PCDHA3: variants seen among roughly 807,000 people sequenced by gnomAD.
PCDHA3 encodes protocadherin alpha-3.
Under a neutral mutation model 62.2 loss-of-function variants are expected in PCDHA3, and 41 were observed. That is an observed-to-expected ratio of 0.66 (90% CI 0.51 to 0.86). The LOEUF is 0.86. PCDHA3 is among the 40% of genes least tolerant of loss of function. The pLI is 0.00. For missense variants in PCDHA3, 1,304 were observed against 1,241.2 expected, an observed-to-expected ratio of 1.05 and a Z score of -0.76; for synonymous variants, 640 against 555.4, an observed-to-expected ratio of 1.15 and a Z score of -2.14.
In PCDHA3 at chr5:140,858,410, T is replaced by C; in HGVS notation, c.2394+54819T>C. ...GGTAGATGTGGACGGGGAAGATCAG[T>C]CTATTGGAGGGGACCACTCTAGGAA... On this transcript the variant is annotated intron_variant, in intron 1 of 3. Transcript: ENST00000522353. 7.7e-6 allele frequency: 12 copies of C among 1,565,560 alleles called. 2 individuals are homozygous for C. The highest frequency in any genetic ancestry group is 1.0e-5 in the Non-Finnish European group (12 of 1,147,708).
At chr5:140,813,459 G>C (rs1173620168) in intron 1 of PCDHA3, 4 of 152,178 alleles carry the variant, frequency 2.6e-5, no homozygotes, top group Non-Finnish European at 4.4e-5. Flanking sequence ...ACAATGGTAA[G>C]TATTTGTATA....
chr5:140,828,172 G>T, intron 1 of PCDHA3: 4 of 1,614,172 alleles, frequency 2.5e-6, no homozygotes, highest in South Asian at 2.2e-5. Context: ...GGAAGGTGGG[G>T]AGCGGCCAGC....
chr5:140,892,910 C>T (rs1206176408), intron 1 of PCDHA3, among the ~76,000 whole-genome samples: 1 of 152,164 alleles, frequency 6.6e-6, no homozygotes, highest in Non-Finnish European at 1.5e-5. Context: ...TCCTCCTTTT[C>T]CTTCACCCTT....
chr5:141,005,417 T>G (rs1323051159), intron 3 of PCDHA3, among the ~76,000 whole-genome samples: 2 of 152,062 alleles, frequency 1.3e-5, no homozygotes, highest in African/African-American at 4.8e-5. Context: ...TGAGGAGTCA[T>G]GCTAAGAATG....
Position 140,801,697 on chromosome 5 carries a change from T to C in PCDHA3, c.500T>C (p.Leu167Ser). 2 of 1,614,170 alleles carry C rather than the reference T, an allele frequency of 1.2e-6. No individual in the cohort carries two copies. The highest frequency in any genetic ancestry group is 1.7e-6 in the Non-Finnish European group (2 of 1,180,038). The stretch of plus-strand genomic sequence containing the variant: ...GATGCAGATATCGGAACAAATTCGT[T>C]GTTGACTTACAGTCTTGATTCCACT... ...ASDADIGTNS[L>S]LTYSLDSTEY... The change falls in exon 1 of 4, where the codon TTG becomes TCG. Residue 167 changes from leucine to serine, a missense_variant. Coordinates refer to ENST00000522353, the MANE Select transcript of PCDHA3 (RefSeq NM_018906.3).
chr5:140,808,625 T>C (rs115173372), intron 1 of PCDHA3: 12 of 1,613,538 alleles, frequency 7.4e-6, no homozygotes, highest in East Asian at 2.2e-5. Flanking sequence ...TGTGTCTGCG[T>C]GGGACGCGGA....
At chr5:140,918,263 G>A (rs2078602453) in intron 1 of PCDHA3, among the ~76,000 whole-genome samples, 1 of 152,214 alleles carries the variant, frequency 6.6e-6, no homozygotes, top group East Asian at 1.9e-4. Context: ...TTTGCTGGAG[G>A]TTTTATCAGA....
At chr5:140,968,231 T>A in intron 1 of PCDHA3, 1 of 1,614,032 alleles carries the variant, frequency 6.2e-7, no homozygotes. Context: ...TGTGTTGCTC[T>A]GTACTGTGCA....
At chr5:140,827,146 C>T (rs1245117168) in intron 1 of PCDHA3, among the ~76,000 whole-genome samples, 1 of 152,036 alleles carries the variant, frequency 6.6e-6, no homozygotes, top group Non-Finnish European at 1.5e-5. Flanking sequence ...AGAAGGGATG[C>T]AGATATGGAT....
chr5:140,910,200 A>C (rs1471024317), intron 1 of PCDHA3, among the ~76,000 whole-genome samples: 1 of 152,200 alleles, frequency 6.6e-6, no homozygotes, highest in East Asian at 1.9e-4. Flanking sequence ...TCTTTTGTCC[A>C]CTTGACCTGG....
chr5:140,940,450 A>G (rs1279490375), intron 1 of PCDHA3, among the ~76,000 whole-genome samples: 1 of 151,884 alleles, frequency 6.6e-6, no homozygotes, highest in Non-Finnish European at 1.5e-5. Flanking sequence ...GATATTTTTT[A>G]TAGGTTTCTG....
At chr5:140,823,307 C>G in intron 1 of PCDHA3, 1 of 1,612,266 alleles carries the variant, frequency 6.2e-7, no homozygotes, top group Non-Finnish European at 8.5e-7. Context: ...TCGGTGCACG[C>G]GGAGAGCGGC....
Position 140,926,391 on chromosome 5 carries a change from A to T in PCDHA3, c.2395-52558A>T, listed in dbSNP as rs76822698. On this transcript the variant is annotated intron_variant, in intron 1 of 3. Coordinates refer to ENST00000522353, the MANE Select transcript of PCDHA3 (RefSeq NM_018906.3). ...AGGAAGAGCCCAGCTGGGCTCAGCCACAGTTATCAGCAATCTGCGGGCAGA... is the reference window on the plus strand; with the variant it reads ...AGGAAGAGCCCAGCTGGGCTCAGCCTCAGTTATCAGCAATCTGCGGGCAGA... 1,228 of 152,462 alleles carry T rather than the reference A, an allele frequency of 8.1e-3. 5 individuals carry two copies. The highest frequency in any genetic ancestry group is 0.019 in the African/African-American group (792 of 41,554). The allele number at this position is 152,462 out of a possible 1,614,324, so 9.4% of individuals were successfully genotyped here.
At chr5:140,895,165 T>C (rs28385500) in intron 1 of PCDHA3, among the ~76,000 whole-genome samples, 2,119 of 152,268 alleles carry the variant, frequency 0.014, 42 homozygotes, top group African/African-American at 0.049. Context: ...CACAATCCAA[T>C]CTATTTGTAG....
At chr5:140,855,820 T>C (rs2043635230) in intron 1 of PCDHA3, 2 of 529,480 alleles carry the variant, frequency 3.8e-6, no homozygotes, top group South Asian at 3.2e-5. Flanking sequence ...AGTTGTGAAC[T>C]CATGGAATCG....
intron 1 of PCDHA3, chr5:140,871,565 G>A: frequency 3.4e-6 from 5 of 1,483,114 alleles, no homozygotes; most frequent in South Asian, 1.4e-5. Context: ...TTTTTTTCAC[G>A]GATTTTTTAA....
intron 1 of PCDHA3, chr5:140,926,863 G>A: frequency 1.3e-6 from 2 of 1,523,054 alleles, no homozygotes; most frequent in Non-Finnish European, 8.8e-7. Flanking sequence ...GGTGTAGCGT[G>A]TTGGTGGAAC....
chr5:140,883,369 C>A (rs781885590), intron 1 of PCDHA3: 4 of 1,614,064 alleles, frequency 2.5e-6, no homozygotes, highest in Non-Finnish European at 1.7e-6. Context: ...AGCCTAGCGC[C>A]ATTATTGCCC....
intron 1 of PCDHA3, chr5:140,926,752 C>T (rs1176032200): frequency 8.0e-7 from 1 of 1,254,344 alleles, no homozygotes; most frequent in Admixed American, 3.6e-5. Context: ...CGTCGGCGGT[C>T]GCTGAGTATC....
Sources: allele counts gnomAD v4.1 joint callset (sites outside exome capture counted in the v4.1 genomes callset), GRCh38; gene constraint gnomAD v4.1.1; transcripts MANE v1.5; gene names NCBI Gene and HGNC (gene_info 2026-07-23, HGNC 2026-07-21).